Variants in EYS observed in about 807,000 individuals in gnomAD.
The protein encoded by EYS is protein eyes shut homolog.
Under a neutral mutation model 282.1 loss-of-function variants are expected in EYS, and 250 were observed. That is an observed-to-expected ratio of 0.89 (90% CI 0.80 to 0.98). EYS has a LOEUF of 0.98. Among genes scored for constraint, EYS ranks in the 50% least tolerant of loss-of-function variants. EYS has a pLI of 0.00. For missense variants in EYS, 4,016 were observed against 3,709.0 expected (o/e 1.08, Z -2.15); for synonymous variants, 1,355 against 1,282.9 (o/e 1.06, Z -1.20).
intron 26 of EYS, among the ~76,000 whole-genome samples, chr6:64,578,402 G>A (rs907642427): frequency 2.0e-5 from 3 of 151,804 alleles, no homozygotes; most frequent in Admixed American, 6.6e-5. Flanking sequence ...CTGGCTTTTT[G>A]CTCTGTGGGC....
At chr6:65,014,047 C>G (rs1771967005) in intron 13 of EYS, among the ~76,000 whole-genome samples, 1 of 152,126 alleles carries the variant, frequency 6.6e-6, no homozygotes, top group African/African-American at 2.4e-5. Context: ...TAAAAGAAGT[C>G]AGAGGCATTA....
At chr6:64,453,954 A>G (rs1219459807) in intron 26 of EYS, among the ~76,000 whole-genome samples, 1 of 152,064 alleles carries the variant, frequency 6.6e-6, no homozygotes, top group Non-Finnish European at 1.5e-5. Flanking sequence ...ACATATATAC[A>G]TATGTAACAA....
chr6:64,962,803 T>C (rs1769969290), intron 14 of EYS, among the ~76,000 whole-genome samples: 1 of 151,984 alleles, frequency 6.6e-6, no homozygotes, highest in Non-Finnish European at 1.5e-5. Flanking sequence ...GTGCACCAAA[T>C]TCTGAATAGA....
At chr6:64,908,712 A>G (rs368285708) in intron 16 of EYS, among the ~76,000 whole-genome samples, 43 of 152,114 alleles carry the variant, frequency 2.8e-4, no homozygotes, top group African/African-American at 1.0e-3. Flanking sequence ...AGGCCATCTC[A>G]TCTTCTACTG....
chr6:64,578,597 TTGTGTGTGTGTGTG>T (rs144119735), intron 26 of EYS, among the ~76,000 whole-genome samples: 1 of 147,918 alleles, frequency 6.8e-6, no homozygotes, highest in South Asian at 2.2e-4. Context: ...CTCTCTCTCT[TTGTGTGTGTGTGTG>T]TGTGTGTGTG....
intron 10 of EYS, among the ~76,000 whole-genome samples, chr6:65,339,197 T>C (rs566901451): frequency 6.6e-6 from 1 of 151,222 alleles, no homozygotes; most frequent in South Asian, 2.1e-4. Context: ...AGGTAAAAAT[T>C]GCACCAAAGT....
At chr6:65,310,860 T>C (rs1395275389) in intron 11 of EYS, among the ~76,000 whole-genome samples, 1 of 152,166 alleles carries the variant, frequency 6.6e-6, no homozygotes, top group Non-Finnish European at 1.5e-5. Context: ...TCTTGCTCTG[T>C]TTTATATCTT....
chr6:64,545,932 A>G (rs948451475), intron 26 of EYS, among the ~76,000 whole-genome samples: 1 of 152,198 alleles, frequency 6.6e-6, no homozygotes, highest in African/African-American at 2.4e-5. Flanking sequence ...ATATCGTGAA[A>G]ATGGCCATAC....
intron 30 of EYS, among the ~76,000 whole-genome samples, chr6:64,271,884 C>T (rs572445659): frequency 5.3e-4 from 81 of 152,146 alleles, no homozygotes; most frequent in Middle Eastern, 6.8e-3. Context: ...GCAACTCCCA[C>T]GCTGGAGTGC....
chr6:64,367,363 C>G (rs1194824830), intron 29 of EYS, among the ~76,000 whole-genome samples: 1 of 151,756 alleles, frequency 6.6e-6, no homozygotes, highest in African/African-American at 2.4e-5. Flanking sequence ...GCAAGGAAAC[C>G]CACAACTAAA....
intron 2 of EYS, among the ~76,000 whole-genome samples, chr6:65,574,334 G>T (rs1764583748): frequency 6.6e-6 from 1 of 152,014 alleles, no homozygotes. Context: ...TAATCAAACT[G>T]TCCAAAATCA....
At chr6:65,657,145 T>A (rs1767856925) in intron 1 of EYS, among the ~76,000 whole-genome samples, 1 of 151,884 alleles carries the variant, frequency 6.6e-6, no homozygotes, top group African/African-American at 2.4e-5. Context: ...TTCAAAATAT[T>A]ACTATTTATA....
chr6:64,965,979 C>A (rs9363300), intron 14 of EYS, among the ~76,000 whole-genome samples: 1 of 130,752 alleles, frequency 7.6e-6, no homozygotes, highest in African/African-American at 2.5e-5. Flanking sequence ...TGTGTGTGTG[C>A]GCCTGTGTGT....
At chr6:65,237,750 A>T (rs1425425029) in intron 12 of EYS, among the ~76,000 whole-genome samples, 1 of 152,126 alleles carries the variant, frequency 6.6e-6, no homozygotes, top group Non-Finnish European at 1.5e-5. Flanking sequence ...GCTGTTTAGG[A>T]CCCATTGCTA....
intron 35 of EYS, among the ~76,000 whole-genome samples, chr6:63,872,503 A>G (rs1184196603): frequency 4.1e-5 from 5 of 121,440 alleles, no homozygotes; most frequent in African/African-American, 9.5e-5. Context: ...TTTTAGACCT[A>G]GTCTCGCTCT....
chr6:65,209,529 T>C (rs753724281), intron 12 of EYS, among the ~76,000 whole-genome samples: 5 of 151,958 alleles, frequency 3.3e-5, no homozygotes, highest in Admixed American at 6.6e-5. Context: ...CTGGCCCAAT[T>C]TAATGTTTTA....
At chr6:65,437,953 C>A (rs1768142419) in intron 5 of EYS, among the ~76,000 whole-genome samples, 1 of 151,556 alleles carries the variant, frequency 6.6e-6, no homozygotes, top group African/African-American at 2.4e-5. Flanking sequence ...GTGTGCTGCA[C>A]CCATTAACTC....
intron 25 of EYS, 27 bp from the exon 26 acceptor site, chr6:64,592,016 G>T (rs751653903): frequency 8.7e-5 from 125 of 1,433,042 alleles, no homozygotes; most frequent in Non-Finnish European, 1.1e-4. Context: ...AGCCAAAAAG[G>T]TTAGAAAAAT....
intron 36 of EYS, among the ~76,000 whole-genome samples, chr6:63,841,141 G>A (rs1771946431): frequency 6.6e-6 from 1 of 152,074 alleles, no homozygotes; most frequent in Non-Finnish European, 1.5e-5. Flanking sequence ...GCTTAGGTTT[G>A]TTTAAATATA....
Sources: allele counts gnomAD v4.1 joint callset (sites outside exome capture counted in the v4.1 genomes callset), GRCh38; gene constraint gnomAD v4.1.1; transcripts MANE v1.5; gene names NCBI Gene and HGNC (gene_info 2026-07-23, HGNC 2026-07-21).